Variants in SENP2 observed in about 807,000 individuals in gnomAD.
The protein encoded by SENP2 is SUMO specific peptidase 2.
Under a neutral mutation model 86.3 loss-of-function variants are expected in SENP2, and 16 were observed. The observed-to-expected ratio is 0.19, with a 90% CI of 0.13 to 0.28. The LOEUF (loss-of-function observed/expected upper bound fraction) is 0.28. SENP2 is among the 10% of genes least tolerant of loss of function. SENP2 has a pLI of 1.00. For missense variants in SENP2, 552 were observed against 703.0 expected (o/e 0.79, Z 2.43); for synonymous variants, 222 against 238.7 (o/e 0.93, Z 0.64).
rs1006221903 is a variant in SENP2, at chr3:185,633,381, A to G, written c.*3537A>G. 1.5e-5 allele frequency: 2 copies of G among 137,302 alleles called. No homozygotes were observed. The highest frequency in any genetic ancestry group is 5.5e-5 in the African/African-American group (2 of 36,278). 8.5% of individuals were successfully genotyped at this position (137,302 alleles called of 1,614,324 possible). On this transcript the variant is annotated 3_prime_UTR_variant, in exon 17 of 17. Coordinates refer to ENST00000296257, the MANE Select transcript of SENP2 (RefSeq NM_021627.3). ...CTCTGAAGCACCTGATATTCAAACA[A>G]ACTTATGGTACTTACTAACTCATTT...
intron 1 of SENP2, 99 bp from the exon 2 acceptor site, chr3:185,590,015 G>A (rs775436376): frequency 3.1e-4 from 183 of 596,902 alleles, no homozygotes; most frequent in Non-Finnish European, 4.6e-4. Flanking sequence ...ATGACAAAGT[G>A]ATAGAAGGGG....
intron 16 of SENP2, among the ~76,000 whole-genome samples, chr3:185,629,287 G>A (rs1464799780): frequency 1.4e-4 from 22 of 152,018 alleles, no homozygotes; most frequent in Admixed American, 1.4e-3. Flanking sequence ...AAATGCTTAT[G>A]GTAGGCCGCC....
intron 2 of SENP2, among the ~76,000 whole-genome samples, chr3:185,593,941 C>A (rs1192296003): frequency 6.6e-6 from 1 of 152,010 alleles, no homozygotes; most frequent in African/African-American, 2.4e-5. Context: ...GTTGGCCAGA[C>A]TGGTCTCGAA....
intron 10 of SENP2, among the ~76,000 whole-genome samples, chr3:185,614,186 TA>T (rs1356763814): frequency 6.6e-6 from 1 of 152,238 alleles, no homozygotes; most frequent in Non-Finnish European, 1.5e-5. Context: ...TGAGTTACTA[TA>T]AAGATAGTAG....
In SENP2 at chr3:185,602,982, G is replaced by A. The variant is rs532892251; in HGVS notation, c.449+2127G>A. ...GGCTGGAGTTCAGTGGCATGATCTC[G>A]GCTCACTGCAACCTCTGCCTCCTGG... On this transcript the variant is annotated intron_variant, in intron 5 of 16. Transcript: ENST00000296257. Among the ~76,000 whole-genome samples, 22 of 139,164 alleles carry A rather than the reference G, an allele frequency of 1.6e-4. No individual in the cohort carries two copies. The South Asian group carries it at 1.9e-3, about 12-fold the overall frequency. The allele number at this position is 139,164 out of a possible 152,430, so 91.3% of individuals were successfully genotyped here.
At chr3:185,611,454 C>A in intron 7 of SENP2, 197 bp from the exon 8 acceptor site, 1 of 411,672 alleles carries the variant, frequency 2.4e-6, no homozygotes, top group South Asian at 4.4e-5. Flanking sequence ...GTTAGGTGAC[C>A]TGGCTGAAAT....
At chr3:185,621,388 T>TC (rs1157105100) in intron 13 of SENP2, among the ~76,000 whole-genome samples, 3 of 99,946 alleles carry the variant, frequency 3.0e-5, no homozygotes, top group African/African-American at 1.2e-4. Context: ...TTTTTTTTCT[T>TC]TTTTTTTTTT....
rs780814871 is a variant in SENP2 at position 185,624,037 on chromosome 3, T to C, written c.1566T>C (p.Ser522=). 32 of 1,612,834 alleles carry C rather than the reference T, an allele frequency of 2.0e-5. No homozygotes were observed. In the South Asian group the frequency reaches 2.4e-4, roughly 12 times the overall value. The change falls in exon 15 of 17, where the codon AGT becomes AGC. Residue 522 remains serine (S), a synonymous_variant. Coordinates refer to ENST00000296257, the MANE Select transcript of SENP2 (RefSeq NM_021627.3). The part of the protein sequence containing the change: ...LQDESKTKRN[S]DLNLLEWTHH... ...ATGAAAGTAAGACCAAAAGAAATAG[T>C]GATCTGAATCTTTTAGAGTGGACCC...
In SENP2 at chr3:185,598,264, C is replaced by T; in HGVS notation, c.158-148C>T. ...CAAGCAATCCTCCCACCTCAGCCTC[C>T]CAAAGTGTTGGGATTACAGGTGTGA... On this transcript the variant is annotated intron_variant, in intron 2 of 16. Coordinates refer to ENST00000296257, the MANE Select transcript of SENP2 (RefSeq NM_021627.3). The T allele has an allele frequency of 3.7e-6, 3 of 819,422 alleles. No homozygotes were observed. In the South Asian group the frequency reaches 5.0e-5, roughly 14 times the overall value. The allele number at this position is 819,422 out of a possible 1,614,324, so 50.8% of individuals were successfully genotyped here.
intron 14 of SENP2, 149 bp from the exon 15 acceptor site, chr3:185,623,849 A>AAAAAAAAAAAAAAAAAC: frequency 2.3e-6 from 1 of 434,226 alleles, no homozygotes; most frequent in Non-Finnish European, 4.0e-6. Flanking sequence ...AAAAAAAAAA[A>AAAAAAAAAAAAAAAAAC]ATCCAGAAAG....
rs1251886702 is a variant in SENP2, at chr3:185,630,238, ACTG to A, written c.*400_*402del. 5.8e-6 allele frequency: 1 copy of A among 172,928 alleles called. No homozygotes were observed. The highest frequency in any genetic ancestry group is 2.3e-5 in the African/African-American group (1 of 42,790). The allele number at this position is 172,928 out of a possible 1,614,324, so 10.7% of individuals were successfully genotyped here. A position where few individuals can be genotyped will look rare whatever the true frequency, so the allele number is the denominator to read the frequency against. On this transcript the variant is annotated 3_prime_UTR_variant, in exon 17 of 17. Transcript: ENST00000296257. ...CAAACATAATGGGCAGTGGTCATTT[ACTG>A]CTGCTCTTTTACAGTTAGCTCTAAA...
intron 5 of SENP2, among the ~76,000 whole-genome samples, chr3:185,606,040 A>G (rs1722498647): frequency 6.6e-6 from 1 of 152,188 alleles, no homozygotes; most frequent in Non-Finnish European, 1.5e-5. Flanking sequence ...GAAGGGGTAT[A>G]TGCAATAGGA....
At position 185,631,444 on chromosome 3, in the gene SENP2, C is replaced by CCT; in HGVS notation, c.*1601_*1602insTC. The CCT allele has an allele frequency of 5.2e-5, 1 of 19,194 alleles. No homozygotes were observed. The allele number at this position is 19,194 out of a possible 1,614,324, so 1.2% of individuals were successfully genotyped here. ...CACCTCTCCCCCCCCCCTCCCACTCCCCCTCCCTCCCTCTCCCCTCCCCCT... is the reference window on the plus strand; with the variant it reads ...CACCTCTCCCCCCCCCCTCCCACTCCCTCCCTCCCTCCCTCTCCCCTCCCCCT... On this transcript the variant is annotated 3_prime_UTR_variant, in exon 17 of 17. Coordinates refer to ENST00000296257, the MANE Select transcript of SENP2 (RefSeq NM_021627.3).
intron 8 of SENP2, 135 bp downstream of exon 8, chr3:185,611,880 G>A: frequency 1.5e-6 from 1 of 670,880 alleles, no homozygotes; most frequent in Non-Finnish European, 2.5e-6. Flanking sequence ...CATTGGGCCG[G>A]GCGCGGTGGC....
rs1399920563 is a variant in SENP2, at chr3:185,629,783, A to C, written c.1709A>C (p.His570Pro). ...CGTTGTTTATGGGGTTCTTTGCAGC[A>C]CCAGATGCCTCTCTTCCGGAAGAAG... is the stretch of plus-strand genomic sequence containing the variant. ...SRDKPITFTQ[H>P]QMPLFRKKMV... Residue 570 changes from histidine (H) to proline (P), a missense_variant and splice_region_variant, in exon 17 of 17, where the codon CAC becomes CCC. His to Pro is a moderately conservative substitution (Grantham distance 77, BLOSUM62 -2). This residue lies in a region of SENP2 where 169 missense variants were observed against 275.7 expected (regional missense o/e 0.61). Coordinates refer to ENST00000296257, the MANE Select transcript of SENP2 (RefSeq NM_021627.3). 1 of 1,614,174 alleles carries C rather than the reference A, an allele frequency of 6.2e-7. No homozygotes were observed. The highest frequency in any genetic ancestry group is 8.5e-7 in the Non-Finnish European group (1 of 1,180,020).
intron 7 of SENP2, among the ~76,000 whole-genome samples, chr3:185,610,158 T>A (rs1300959166): frequency 1.3e-5 from 1 of 74,496 alleles, no homozygotes; most frequent in Non-Finnish European, 2.7e-5. Flanking sequence ...ATCTAGCTTT[T>A]TTTTTTTTTT....
chr3:185,614,642 T>C lies in SENP2; in HGVS notation c.1012T>C (p.Leu338=). 1 of 1,614,222 alleles carries C rather than the reference T, an allele frequency of 6.2e-7. No individual in the cohort carries two copies. The highest frequency in any genetic ancestry group is 8.5e-7 in the Non-Finnish European group (1 of 1,180,042). ...CCGCCTGGGCAGTGGAAGCAATGGC[T>C]TACTCAGGAGGAAAGTGTCAATAAT... ...RLRLGSGSNG[L]LRRKVSIIET... Residue 338 remains leucine (L), a synonymous_variant, in exon 11 of 17, where the codon TTA becomes CTA. Transcript: ENST00000296257.
chr3:185,609,833 C>T (rs893459528), intron 7 of SENP2, among the ~76,000 whole-genome samples: 5 of 152,052 alleles, frequency 3.3e-5, no homozygotes, highest in Non-Finnish European at 4.4e-5. Flanking sequence ...CATACCTAGT[C>T]CCTGCGGCAT....
At chr3:185,599,122 G>A (rs1170145443) in intron 4 of SENP2, 98 bp downstream of exon 4, 31 of 833,136 alleles carry the variant, frequency 3.7e-5, no homozygotes, top group Non-Finnish European at 5.8e-5. Context: ...GATTTGAATT[G>A]GGATGAGAAA....
Sources: gnomAD v4.1 joint callset for allele counts (sites outside exome capture counted in the v4.1 genomes callset) on GRCh38, gnomAD v4.1.1 for gene constraint, gnomAD v4.1.1 regional missense constraint, MANE v1.5 for transcripts, NCBI Gene and HGNC (gene_info 2026-07-23, HGNC 2026-07-21) for gene names.